Variants in PHF21B observed in about 807,000 individuals in gnomAD.
The protein encoded by PHF21B is PHD finger protein 4.
PHF21B carries 22 observed loss-of-function variants against 62.2 expected under a neutral mutation model. That is an observed-to-expected ratio of 0.35 (90% confidence interval 0.25 to 0.51). The LOEUF is 0.51. Among genes scored for constraint, PHF21B ranks in the 20% least tolerant of loss-of-function variants. The probability of loss-of-function intolerance (pLI) is 0.97; values close to 1 mark genes in which losing one functional copy is unlikely to be tolerated. For synonymous variants in PHF21B, 341 were observed against 314.7 expected, an observed-to-expected ratio of 1.08 and a Z score of -0.88; for missense variants, 701 against 707.9, an observed-to-expected ratio of 0.99 and a Z score of 0.11.
chr22:44,929,058 G>A (rs1047970551), intron 2 of PHF21B, among the ~76,000 whole-genome samples: 2 of 152,212 alleles, frequency 1.3e-5, no homozygotes, highest in Non-Finnish European at 2.9e-5. Context: ...CACGCGCACA[G>A]CCACAGAGCA....
Position 44,997,738 on chromosome 22 carries a change from TC to T in PHF21B, c.120+10806del, listed in dbSNP as rs2073146256. ...AGAAACACTTCTCCCTCTCTTTCTC[TC>T]CCTTCCCCTCCTCTCCTGCCTCATC... On this transcript the variant is annotated intron_variant, in intron 2 of 12. Transcript: ENST00000313237. Among the ~76,000 whole-genome samples, 2 of 152,148 alleles carry T rather than the reference TC, an allele frequency of 1.3e-5. 1 individual carries two copies. The highest frequency in any genetic ancestry group is 4.1e-4 in the South Asian group (2 of 4,822).
chr22:44,983,976 G>C (rs985946204), intron 2 of PHF21B, among the ~76,000 whole-genome samples: 1 of 151,504 alleles, frequency 6.6e-6, no homozygotes, highest in Non-Finnish European at 1.5e-5. Context: ...ACATGCCGAT[G>C]TCCTCAATCT....
chr22:44,903,673 T>G (rs2071200093), intron 5 of PHF21B, among the ~76,000 whole-genome samples: 1 of 152,230 alleles, frequency 6.6e-6, no homozygotes, highest in African/African-American at 2.4e-5. Context: ...GCTGTTAGGT[T>G]GGTGCAAAGT....
chr22:44,893,357 G>T (rs1234208378), intron 7 of PHF21B, 100 bp downstream of exon 7: 6 of 1,148,516 alleles, frequency 5.2e-6, no homozygotes, highest in Non-Finnish European at 7.5e-6. Flanking sequence ...CGAGGGGGGT[G>T]CTTAGGAAAG....
intron 2 of PHF21B, among the ~76,000 whole-genome samples, chr22:44,922,590 C>G (rs377102264): frequency 2.0e-5 from 3 of 152,052 alleles, no homozygotes; most frequent in Admixed American, 6.5e-5. Context: ...CGAGATCACA[C>G]CACTGCACTC....
chr22:44,968,766 C>T (rs2072581729), intron 2 of PHF21B, among the ~76,000 whole-genome samples: 1 of 152,036 alleles, frequency 6.6e-6, no homozygotes, highest in African/African-American at 2.4e-5. Context: ...ATCCAAAATC[C>T]AAAATGCTCT....
Position 44,885,516 on chromosome 22 carries a change from C to G in PHF21B, c.1287G>C (p.Glu429Asp), listed in dbSNP as rs2070841877. The stretch of plus-strand genomic sequence containing the variant: ...TGCCTCGTTGCAGCAGCTTCTGCTT[C>G]TCCTCTTCTTTGACTAGAAAAGAGA... ...YVTHKTVKEEEKQKLLQRGSE... is the reference protein window; with the variant it reads ...YVTHKTVKEEDKQKLLQRGSE... Residue 429 changes from glutamate (E) to aspartate (D), a missense_variant, in exon 12 of 13, where the codon GAG (glutamate) becomes GAC (aspartate). Transcript: ENST00000313237. The G allele has an allele frequency of 6.3e-7, 1 of 1,595,588 alleles. No individual in the cohort carries two copies. The highest frequency in any genetic ancestry group is 1.7e-5 in the Admixed American group (1 of 57,194).
At chr22:44,979,345 C>T (rs1443769287) in intron 2 of PHF21B, among the ~76,000 whole-genome samples, 1 of 152,238 alleles carries the variant, frequency 6.6e-6, no homozygotes, top group Non-Finnish European at 1.5e-5. Context: ...GCAGCCAACA[C>T]TCCAGAGGCT....
At chr22:44,968,313 T>C (rs1304560519) in intron 2 of PHF21B, among the ~76,000 whole-genome samples, 1 of 152,222 alleles carries the variant, frequency 6.6e-6, no homozygotes. Context: ...GTACTTGGTC[T>C]ATGATGCAAC....
At chr22:44,948,039 G>T (rs1045733677) in intron 2 of PHF21B, among the ~76,000 whole-genome samples, 1 of 89,478 alleles carries the variant, frequency 1.1e-5, no homozygotes, top group East Asian at 2.3e-4. Context: ...CCGTTCGGAC[G>T]TGATGCTGCC....
intron 2 of PHF21B, among the ~76,000 whole-genome samples, chr22:44,981,367 C>T (rs765111236): frequency 6.6e-6 from 1 of 152,194 alleles, no homozygotes; most frequent in African/African-American, 2.4e-5. Flanking sequence ...CCTCAGACCT[C>T]TGCACTCCCC....
In PHF21B at chr22:44,912,095, G is replaced by C. The variant is rs138284585; in HGVS notation, c.831+1727C>G. On this transcript the variant is annotated intron_variant, in intron 5 of 12. Coordinates refer to ENST00000313237, the MANE Select transcript of PHF21B (RefSeq NM_138415.5). ...CTTGCATGGGGCCTGTAGCCCCTTT[G>C]TTTTGGCCAATTTCTCCCATTTGGA... is the stretch of plus-strand genomic sequence containing the variant. 6.6e-4 allele frequency among the ~76,000 whole-genome samples: 101 copies of C among 152,338 alleles called. 1 individual carries two copies. In the East Asian group the frequency reaches 0.019, roughly 28 times the overall value.
intron 5 of PHF21B, among the ~76,000 whole-genome samples, chr22:44,912,830 G>A (rs890967408): frequency 5.5e-5 from 7 of 126,918 alleles, no homozygotes; most frequent in African/African-American, 2.1e-4. Context: ...AGTGAGCTAT[G>A]ATGGTGCCAG....
At chr22:44,944,118 T>C (rs1275597973) in intron 2 of PHF21B, among the ~76,000 whole-genome samples, 1 of 152,166 alleles carries the variant, frequency 6.6e-6, no homozygotes, top group Non-Finnish European at 1.5e-5. Flanking sequence ...TCTCCATCTG[T>C]AAAGGCTGCA....
In PHF21B at chr22:44,959,731, G is replaced by C. The variant is rs145423485; in HGVS notation, c.121-39241C>G. On this transcript the variant is annotated intron_variant, in intron 2 of 12. Transcript: ENST00000313237. ...CGGGAAAAGTCTTCATGGAGGAGCT[G>C]ATCACTGAAAACAGTAAAGAGATGA... 8.5e-5 allele frequency among the ~76,000 whole-genome samples: 13 copies of C among 152,308 alleles called. No homozygotes were observed. The East Asian group carries it at 2.3e-3, about 27-fold the overall frequency.
chr22:44,962,430 C>T (rs1056455765), intron 2 of PHF21B, among the ~76,000 whole-genome samples: 3 of 152,226 alleles, frequency 2.0e-5, no homozygotes, highest in Non-Finnish European at 4.4e-5. Context: ...CTCAGAACAC[C>T]TAACATTGGC....
Position 44,985,473 on chromosome 22 carries a change from G to A in PHF21B, c.120+23072C>T, listed in dbSNP as rs186819228. Among the ~76,000 whole-genome samples the A allele has an allele frequency of 1.2e-4, 18 of 152,180 alleles. 1 individual carries two copies. The highest frequency in any genetic ancestry group is 2.0e-4 in the Admixed American group (3 of 15,286). Reference sequence around the variant, plus strand: ...AAATTAACTGGGTGTGGTGGCTCACGTTTGCAGTCCCACTTATGGGAGGCT... The same window carrying A: ...AAATTAACTGGGTGTGGTGGCTCACATTTGCAGTCCCACTTATGGGAGGCT... On this transcript the variant is annotated intron_variant, in intron 2 of 12. Transcript: ENST00000313237.
At chr22:44,883,632 G>A (rs1398967047) in intron 12 of PHF21B, among the ~76,000 whole-genome samples, 1 of 152,082 alleles carries the variant, frequency 6.6e-6, no homozygotes, top group African/African-American at 2.4e-5. Flanking sequence ...AGCAGCCTCG[G>A]AGGCCTTTGG....
At chr22:44,927,646 G>A (rs377439787) in intron 2 of PHF21B, among the ~76,000 whole-genome samples, 78 of 152,252 alleles carry the variant, frequency 5.1e-4, no homozygotes, top group African/African-American at 1.9e-3. Context: ...ATCTCTACGT[G>A]TTTTCTTCAC....
Sources: gnomAD v4.1 joint callset for allele counts (sites outside exome capture counted in the v4.1 genomes callset) on GRCh38, gnomAD v4.1.1 for gene constraint, MANE v1.5 for transcripts, NCBI Gene and HGNC (gene_info 2026-07-23, HGNC 2026-07-21) for gene names.